FAAH2: variants seen among roughly 807,000 people sequenced by gnomAD.
The protein encoded by FAAH2 is fatty-acid amide hydrolase 2.
In FAAH2, 60 loss-of-function variants were observed where a neutral mutation model predicts 36.9. The observed-to-expected ratio is 1.63, with a 90% CI of 1.32 to 2.02. FAAH2 has a LOEUF of 2.02. Among genes scored for constraint, FAAH2 ranks in the 30% most tolerant of loss-of-function variants. FAAH2 has a pLI of 0.00. For missense variants in FAAH2, 689 were observed against 397.5 expected (o/e 1.73, Z -6.23); for synonymous variants, 214 against 143.8 (o/e 1.49, Z -3.49).
the FAAH2 span, among the ~76,000 whole-genome samples, chrX:57,189,094 T>C: frequency 9.0e-6 from 1 of 110,541 alleles, no homozygotes; most frequent in African/African-American, 3.3e-5. Flanking sequence ...CTTTTAACTC[T>C]TTTTTCTCTA....
chrX:57,317,712 C>T (rs2052886000), intron 3 of FAAH2, among the ~76,000 whole-genome samples: 1 of 111,988 alleles, frequency 8.9e-6, no homozygotes. Flanking sequence ...ACAGAATACA[C>T]ATTCTTCTCA....
rs766737300 is a variant in FAAH2, at chrX:57,420,732, C to T, written c.997-11186C>T. On this transcript the variant is annotated intron_variant, in intron 7 of 10. Coordinates refer to ENST00000374900, the MANE Select transcript of FAAH2 (RefSeq NM_174912.4). ...TTTATTTCCTTCTCCTGCCTAATTGCCCTGGCCAGAACTTCCAACACTATG... is the reference window on the plus strand; with the variant it reads ...TTTATTTCCTTCTCCTGCCTAATTGTCCTGGCCAGAACTTCCAACACTATG... Among the ~76,000 whole-genome samples the T allele has an allele frequency of 2.8e-5, 3 of 107,940 alleles. No homozygotes were observed. The Admixed American group carries it at 3.0e-4, about 11-fold the overall frequency. The allele number at this position is 107,940 out of a possible 115,157, so 93.7% of individuals were successfully genotyped here.
intron 10 of FAAH2, among the ~76,000 whole-genome samples, chrX:57,485,831 G>A (rs1367787667): frequency 8.9e-6 from 1 of 111,739 alleles, no homozygotes; most frequent in South Asian, 3.8e-4. Flanking sequence ...CTATGTGTTT[G>A]GGTACATGGC....
At chrX:57,195,117 G>A in the FAAH2 span, among the ~76,000 whole-genome samples, 3 of 111,127 alleles carry the variant, frequency 2.7e-5, no homozygotes, top group Admixed American at 2.9e-4. Context: ...TTCTCTCTTG[G>A]TAGATACCCA....
the FAAH2 span, among the ~76,000 whole-genome samples, chrX:57,276,491 C>A: frequency 9.0e-6 from 1 of 111,550 alleles, no homozygotes; most frequent in African/African-American, 3.3e-5. Context: ...AAAATCAGCA[C>A]CCTAACACCA....
chrX:57,202,761 G>A, the FAAH2 span, among the ~76,000 whole-genome samples: 12 of 112,080 alleles, frequency 1.1e-4, no homozygotes, highest in Non-Finnish European at 1.9e-4. Flanking sequence ...GTCTGTAGAT[G>A]TCATCTGGGA....
chrX:57,344,531 C>T (rs2053769669), intron 5 of FAAH2, among the ~76,000 whole-genome samples: 1 of 111,171 alleles, frequency 9.0e-6, no homozygotes, highest in African/African-American at 3.3e-5. Context: ...ATATTGTCAG[C>T]AGAGAGAGAT....
chrX:57,149,463 A>G, the FAAH2 span, among the ~76,000 whole-genome samples: 1 of 111,451 alleles, frequency 9.0e-6, no homozygotes, highest in African/African-American at 3.3e-5. Context: ...CAGAGATTCA[A>G]CTTCTTCCTG....
At chrX:57,381,644 G>A in intron 7 of FAAH2, 1 of 279,463 alleles carries the variant, frequency 3.6e-6, no homozygotes, top group Non-Finnish European at 4.9e-6. Flanking sequence ...AAATATATAT[G>A]CACCCAATAC....
At chrX:57,324,632 C>T (rs1455540776) in intron 3 of FAAH2, among the ~76,000 whole-genome samples, 5 of 111,912 alleles carry the variant, frequency 4.5e-5, no homozygotes, top group Admixed American at 2.9e-4. Context: ...CATGATTTGG[C>T]TCTCTGTTTT....
At chrX:57,312,543 G>A (rs953316671) in intron 3 of FAAH2, among the ~76,000 whole-genome samples, 1 of 110,624 alleles carries the variant, frequency 9.0e-6, no homozygotes, top group African/African-American at 3.3e-5. Context: ...AGCTGGGCAT[G>A]GTGGCGGGCA....
At chrX:57,482,459 CA>C (rs1313303627) in intron 10 of FAAH2, among the ~76,000 whole-genome samples, 1 of 111,351 alleles carries the variant, frequency 9.0e-6, no homozygotes, top group Admixed American at 9.6e-5. Context: ...CTGGGTAGCG[CA>C]GTCCTTCATA....
At position 57,310,743 on chromosome X, in the gene FAAH2, A is replaced by AT; in HGVS notation, c.412+19dup. ...TCCAGCTACAAGGTACTATTCTTTT[A>AT]TTTTTGGCTACATGAGTTTAATTCA... is the stretch of plus-strand genomic sequence containing the variant. On this transcript the variant is annotated intron_variant, in intron 3 of 10. Coordinates refer to ENST00000374900, the MANE Select transcript of FAAH2 (RefSeq NM_174912.4). 1 of 1,180,836 alleles carries AT rather than the reference A, an allele frequency of 8.5e-7. No individual in the cohort carries two copies. Among genetic ancestry groups the AT allele is most frequent in the Non-Finnish European group, 1.1e-6 (1 of 882,515 alleles).
chrX:57,237,787 T>TA, the FAAH2 span, among the ~76,000 whole-genome samples: 53 of 110,020 alleles, frequency 4.8e-4, no homozygotes, highest in Non-Finnish European at 8.4e-4. Flanking sequence ...ATAAGAAACT[T>TA]AAAAAAAATC....
intron 7 of FAAH2, among the ~76,000 whole-genome samples, chrX:57,409,018 T>C (rs777028843): frequency 3.0e-4 from 33 of 111,700 alleles, no homozygotes; most frequent in South Asian, 7.4e-4. Context: ...TTTGGTTATA[T>C]AGTATAGTCT....
the FAAH2 span, among the ~76,000 whole-genome samples, chrX:57,195,111 C>G: frequency 9.0e-6 from 1 of 111,452 alleles, no homozygotes; most frequent in Non-Finnish European, 1.9e-5. Context: ...ACTTCTTTCT[C>G]TCTTGGTAGA....
chrX:57,392,367 T>G (rs1026525169), intron 7 of FAAH2, among the ~76,000 whole-genome samples: 1 of 111,785 alleles, frequency 8.9e-6, no homozygotes. Context: ...AGTTCTTGTT[T>G]TTTTTGTTTG....
intron 7 of FAAH2, among the ~76,000 whole-genome samples, chrX:57,422,540 T>C (rs776389484): frequency 3.9e-4 from 44 of 111,951 alleles, no homozygotes; most frequent in Admixed American, 1.7e-3. Flanking sequence ...CAAGATGGTT[T>C]CATGGACTCA....
chrX:57,296,736 A>C (rs192091112), intron 2 of FAAH2, among the ~76,000 whole-genome samples: 1 of 111,732 alleles, frequency 8.9e-6, no homozygotes, highest in Non-Finnish European at 1.9e-5. Flanking sequence ...TAACTACAAT[A>C]ATCAAGGCAG....
Sources: gnomAD v4.1 joint callset for allele counts (sites outside exome capture counted in the v4.1 genomes callset) on GRCh38, gnomAD v4.1.1 for gene constraint, MANE v1.5 for transcripts, NCBI Gene and HGNC (gene_info 2026-07-23, HGNC 2026-07-21) for gene names.